CBLN2: variants seen among roughly 807,000 people sequenced by gnomAD.
CBLN2 encodes cerebellin 2 precursor.
CBLN2 carries 7 observed loss-of-function variants against 15.0 expected under a neutral mutation model. That is an observed-to-expected ratio of 0.47 (90% CI 0.27 to 0.88). The LOEUF is 0.88. Among genes scored for constraint, CBLN2 ranks in the 40% least tolerant of loss-of-function variants. The probability of loss-of-function intolerance (pLI) is 0.14; values close to 1 mark genes in which losing one functional copy is unlikely to be tolerated. For synonymous variants in CBLN2, 149 were observed against 135.2 expected, an observed-to-expected ratio of 1.10 and a Z score of -0.71; for missense variants, 242 against 304.5, an observed-to-expected ratio of 0.79 and a Z score of 1.53.
intron 1 of CBLN2, among the ~76,000 whole-genome samples, chr18:72,561,240 A>AC (rs1448969373): frequency 3.0e-3 from 201 of 66,646 alleles, no homozygotes; most frequent in Middle Eastern, 9.8e-3. Context: ...AAAAACAACA[A>AC]CCCAAAAAAA....
chr18:72,578,307 A>G (rs2069381259), intron 1 of CBLN2, among the ~76,000 whole-genome samples: 3 of 152,188 alleles, frequency 2.0e-5, no homozygotes, highest in Admixed American at 2.0e-4. Flanking sequence ...CCTGGAAATT[A>G]CTCCTAGAAT....
intron 1 of CBLN2, among the ~76,000 whole-genome samples, chr18:72,582,364 T>A (rs191531192): frequency 6.6e-6 from 1 of 152,180 alleles, no homozygotes; most frequent in South Asian, 2.1e-4. Flanking sequence ...ATGGAGTTTG[T>A]AGGAAGATAA....
intron 1 of CBLN2, among the ~76,000 whole-genome samples, chr18:72,564,053 A>G (rs960402294): frequency 6.6e-6 from 1 of 152,194 alleles, no homozygotes; most frequent in African/African-American, 2.4e-5. Context: ...CAGGTGGAAG[A>G]CTTGCATTAT....
intron 1 of CBLN2, among the ~76,000 whole-genome samples, chr18:72,635,809 C>T (rs1599033468): frequency 6.6e-6 from 1 of 152,028 alleles, no homozygotes; most frequent in Non-Finnish European, 1.5e-5. Flanking sequence ...TCAAACCATA[C>T]TTAATTCCAT....
chr18:72,566,420 T>TCC (rs2069295467), intron 1 of CBLN2, among the ~76,000 whole-genome samples: 1 of 152,166 alleles, frequency 6.6e-6, no homozygotes, highest in African/African-American at 2.4e-5. Context: ...AACTTAAGTG[T>TCC]CCATCAACAG....
chr18:72,598,147 C>G (rs1379726456), intron 1 of CBLN2, among the ~76,000 whole-genome samples: 3 of 152,204 alleles, frequency 2.0e-5, no homozygotes, highest in African/African-American at 7.2e-5. Flanking sequence ...TTGGAATGTG[C>G]TAGGTCACAC....
chr18:72,575,181 G>T (rs377020999), intron 1 of CBLN2, among the ~76,000 whole-genome samples: 2 of 152,308 alleles, frequency 1.3e-5, no homozygotes, highest in African/African-American at 2.4e-5. Context: ...GTCGGAGAAT[G>T]TGATGCAGGT....
At chr18:72,629,820 GTTT>G (rs1003007378) in intron 1 of CBLN2, among the ~76,000 whole-genome samples, 4 of 151,852 alleles carry the variant, frequency 2.6e-5, no homozygotes, top group African/African-American at 9.7e-5. Context: ...TTGTATAGAT[GTTT>G]TCATTATTCT....
chr18:72,613,880 C>T (rs937720377), intron 1 of CBLN2, among the ~76,000 whole-genome samples: 18 of 152,152 alleles, frequency 1.2e-4, no homozygotes, highest in African/African-American at 4.1e-4. Flanking sequence ...TTCATATTAG[C>T]GACTTCCTTT....
intron 1 of CBLN2, among the ~76,000 whole-genome samples, chr18:72,636,961 T>TG (rs1233028730): frequency 7.4e-6 from 1 of 134,528 alleles, no homozygotes; most frequent in Non-Finnish European, 1.5e-5. Flanking sequence ...TCAATACACA[T>TG]GAAAAAAAAA....
upstream of CBLN2, among the ~76,000 whole-genome samples, chr18:72,547,677 A>C (rs1598992380): frequency 6.6e-6 from 1 of 152,080 alleles, no homozygotes. Flanking sequence ...TTTATCTAGA[A>C]GGGAATTTCA....
Position 72,537,805 on chromosome 18 carries a change from C to G in CBLN2, c.*371G>C. 3.3e-6 allele frequency: 1 copy of G among 305,862 alleles called. No homozygotes were observed. The highest frequency in any genetic ancestry group is 3.4e-5 in the South Asian group (1 of 29,850). The allele number at this position is 305,862 out of a possible 1,614,324, so 18.9% of individuals were successfully genotyped here. A position where few individuals can be genotyped will look rare whatever the true frequency, so the allele number is the denominator to read the frequency against. On this transcript the variant is annotated 3_prime_UTR_variant, in exon 5 of 5. Coordinates refer to ENST00000269503, the MANE Select transcript of CBLN2 (RefSeq NM_182511.4). ...GCCCTGACTGCAACCTGCAGCCCAT[C>G]CTGGAGTCAGGAGCTCTCCTTCCGT...
intron 1 of CBLN2, among the ~76,000 whole-genome samples, chr18:72,574,618 G>C (rs902482976): frequency 2.0e-4 from 30 of 152,162 alleles, no homozygotes; most frequent in Admixed American, 1.8e-3. Context: ...GTGAACAGCA[G>C]GAATGCAAAG....
At position 72,570,037 on chromosome 18, in the gene CBLN2, G is replaced by A. The variant is rs143410604; in HGVS notation, c.16-31265C>T. Among the ~76,000 whole-genome samples, 73 of 152,226 alleles carry A rather than the reference G, an allele frequency of 4.8e-4. 1 individual carries two copies. Among genetic ancestry groups the A allele is most frequent in the South Asian group, 3.3e-3 (16 of 4,816 alleles). On this transcript the variant is annotated intron_variant, in intron 1 of 2. Coordinates refer to the CBLN2 transcript ENST00000581073. ...TAGAGGATGACATTAAATTTCCAGC[G>A]AGTGTATACATACAATTGATTCTCA...
chr18:72,609,894 G>A (rs1219902024), intron 1 of CBLN2, among the ~76,000 whole-genome samples: 1 of 152,156 alleles, frequency 6.6e-6, no homozygotes, highest in Non-Finnish European at 1.5e-5. Context: ...GTTCTGCTTT[G>A]CTCACAGCTG....
chr18:72,574,169 A>G (rs536965259), intron 1 of CBLN2, among the ~76,000 whole-genome samples: 2 of 152,106 alleles, frequency 1.3e-5, no homozygotes, highest in Non-Finnish European at 2.9e-5. Flanking sequence ...AGAATTCTTT[A>G]TATTTTTGAT....
intron 1 of CBLN2, among the ~76,000 whole-genome samples, chr18:72,603,812 A>G (rs1037418006): frequency 3.3e-5 from 5 of 152,236 alleles, no homozygotes; most frequent in African/African-American, 1.2e-4. Flanking sequence ...TTTCAATGGG[A>G]AATCAAAAAC....
chr18:72,569,507 A>C (rs2144904099), intron 1 of CBLN2, among the ~76,000 whole-genome samples: 1 of 152,340 alleles, frequency 6.6e-6, no homozygotes, highest in African/African-American at 2.4e-5. Flanking sequence ...GGAATACCTG[A>C]GAATGAGTAA....
At chr18:72,634,544 A>G (rs17357335) in intron 1 of CBLN2, among the ~76,000 whole-genome samples, 13,264 of 152,192 alleles carry the variant, frequency 0.087, 667 homozygotes, top group South Asian at 0.16. Flanking sequence ...GGGAATTACA[A>G]TACAAAGGAT....
Sources: allele counts gnomAD v4.1 joint callset (sites outside exome capture counted in the v4.1 genomes callset), GRCh38; gene constraint gnomAD v4.1.1; transcripts MANE v1.5; gene names NCBI Gene and HGNC (gene_info 2026-07-23, HGNC 2026-07-21).